Variants in PCDHGA12 observed in about 807,000 individuals in gnomAD.
PCDHGA12 encodes protocadherin gamma-A12.
A neutral mutation model predicts 61.1 loss-of-function variants in PCDHGA12; 43 were observed. That is an observed-to-expected ratio of 0.70 (90% CI 0.55 to 0.91). The LOEUF (loss-of-function observed/expected upper bound fraction) is 0.91. Ranked by LOEUF, PCDHGA12 falls within the 40% of genes least tolerant of loss-of-function variation. PCDHGA12 has a pLI of 0.00. For missense variants in PCDHGA12, 1,236 were observed against 1,227.7 expected (o/e 1.01, Z -0.10); for synonymous variants, 520 against 542.9 (o/e 0.96, Z 0.59).
At chr5:141,483,972 A>G in intron 1 of PCDHGA12, among the ~76,000 whole-genome samples, 1 of 83,960 alleles carries the variant, frequency 1.2e-5, no homozygotes, top group Admixed American at 1.8e-4. Context: ...TGCTTGTGCA[A>G]GGGAGTAGCT....
chr5:141,444,545 CA>C (rs1264288836), intron 1 of PCDHGA12, among the ~76,000 whole-genome samples: 7 of 152,042 alleles, frequency 4.6e-5, no homozygotes, highest in Admixed American at 6.6e-5. Flanking sequence ...GTCTAGTGAG[CA>C]AAAGGCACTT....
intron 3 of PCDHGA12, among the ~76,000 whole-genome samples, chr5:141,507,790 A>C (rs922507228): frequency 5.9e-5 from 9 of 152,188 alleles, no homozygotes; most frequent in Admixed American, 2.6e-4. Context: ...ACCCTCGTCT[A>C]AGCCTGCGCC....
chr5:141,439,443 G>A (rs867907022), intron 1 of PCDHGA12, among the ~76,000 whole-genome samples: 1 of 152,164 alleles, frequency 6.6e-6, no homozygotes, highest in Non-Finnish European at 1.5e-5. Flanking sequence ...ATATTTTATT[G>A]CGGGAGCAAG....
In PCDHGA12 at chr5:141,432,976, C is replaced by A. The variant is rs373558125; in HGVS notation, c.2217C>A (p.His739Gln). ...GGGLTGAPAS[H>Q]FVGVDGVQAF... The stretch of plus-strand genomic sequence containing the variant: ...GCTTGACAGGAGCGCCGGCGTCGCA[C>A]TTTGTGGGCGTGGACGGGGTGCAGG... Residue 739 changes from histidine to glutamine, a missense_variant, in exon 1 of 4, where the codon CAC becomes CAA. His to Gln is a conservative substitution (Grantham distance 24). Coordinates refer to ENST00000252085, the MANE Select transcript of PCDHGA12 (RefSeq NM_003735.3). This position sits in a 1 kb window ranked among gnomAD's most constrained non-coding sequence, Gnocchi z 6.0. 1 of 1,614,210 alleles carries A rather than the reference C, an allele frequency of 6.2e-7. No individual in the cohort carries two copies.
chr5:141,499,570 A>G (rs1027373056), intron 2 of PCDHGA12, among the ~76,000 whole-genome samples: 2 of 152,200 alleles, frequency 1.3e-5, no homozygotes, highest in African/African-American at 4.8e-5. Context: ...TCCAGCTTCA[A>G]CTAATGCCTT....
rs1363891858 is a variant in PCDHGA12, at chr5:141,491,369, C to T, written c.2425-3438C>T. 8.7e-6 allele frequency: 14 copies of T among 1,614,110 alleles called. No homozygotes were observed. Among genetic ancestry groups the T allele is most frequent in the East Asian group, 2.2e-5 (1 of 44,866 alleles). On this transcript the variant is annotated intron_variant, in intron 1 of 3. Coordinates refer to ENST00000252085, the MANE Select transcript of PCDHGA12 (RefSeq NM_003735.3). The surrounding 1 kb of genome is among the most constrained non-coding windows in gnomAD (Gnocchi z 6.9). ...AGTCTCTTATCCCTAGTCACCTTCACCTTTCTGTCAGCGAAGTGCCTTCAG... is the reference window on the plus strand; with the variant it reads ...AGTCTCTTATCCCTAGTCACCTTCATCTTTCTGTCAGCGAAGTGCCTTCAG...
chr5:141,491,726 C>T lies in PCDHGA12; in HGVS notation c.2425-3081C>T. On this transcript the variant is annotated intron_variant, in intron 1 of 3. Transcript: ENST00000252085. This position sits in a 1 kb window ranked among gnomAD's most constrained non-coding sequence, Gnocchi z 6.9. ...GTGAGGGGCTCGGCGCCGCCCCGGG[C>T]GACCCCTGGGGGCGGCACTGGAGAA... The T allele has an allele frequency of 6.2e-7, 1 of 1,605,884 alleles. No individual in the cohort carries two copies. Among genetic ancestry groups the T allele is most frequent in the East Asian group, 2.2e-5 (1 of 44,600 alleles).
chr5:141,462,872 AG>A (rs1254807813), intron 1 of PCDHGA12, among the ~76,000 whole-genome samples: 54 of 152,272 alleles, frequency 3.5e-4, no homozygotes, highest in Middle Eastern at 6.8e-3. Flanking sequence ...TCTTTCTTTA[AG>A]AACTATTGCA....
In PCDHGA12 at chr5:141,465,057, A is replaced by T. The variant is rs1253395484; in HGVS notation, c.2425-29750A>T. 3.3e-5 allele frequency among the ~76,000 whole-genome samples: 5 copies of T among 151,646 alleles called. No homozygotes were observed. The East Asian group carries it at 9.6e-4, about 29-fold the overall frequency. ...ACAAATGACCCTATATATTTTTTTG[A>T]ATTGTCTGTTCATGTCTTATTTTCA... On this transcript the variant is annotated intron_variant, in intron 1 of 3. Coordinates refer to ENST00000252085, the MANE Select transcript of PCDHGA12 (RefSeq NM_003735.3).
Position 141,489,087 on chromosome 5 carries a change from T to TCAAA in PCDHGA12, c.2425-5720_2425-5719insCAAA. 4.6e-6 allele frequency: 1 copy of TCAAA among 216,106 alleles called. No individual in the cohort carries two copies. The highest frequency in any genetic ancestry group is 8.4e-6 in the Non-Finnish European group (1 of 118,736). The allele number at this position is 216,106 out of a possible 1,614,324, so 13.4% of individuals were successfully genotyped here. On this transcript the variant is annotated intron_variant, in intron 1 of 3. Coordinates refer to ENST00000252085, the MANE Select transcript of PCDHGA12 (RefSeq NM_003735.3). This position sits in a 1 kb window ranked among gnomAD's most constrained non-coding sequence, Gnocchi z 4.5. The stretch of plus-strand genomic sequence containing the variant: ...CCCCCTGCCCACCCCCGCCACTCGG[T>TCAAA]GACTAAGAACTGCTGCAAGCAGGCA...
At chr5:141,498,089 A>G (rs1402239680) in intron 2 of PCDHGA12, among the ~76,000 whole-genome samples, 3 of 152,370 alleles carry the variant, frequency 2.0e-5, no homozygotes, top group South Asian at 2.1e-4. Context: ...GTAGAATTGT[A>G]TCTGGTGGTG....
rs1173375966 is a variant in PCDHGA12, at chr5:141,511,162, GAGA to G, written c.2794_2796del (p.Lys932del). 16 of 1,614,044 alleles carry G rather than the reference GAGA, an allele frequency of 9.9e-6. No individual in the cohort carries two copies. The highest frequency in any genetic ancestry group is 5.5e-5 in the South Asian group (5 of 91,078). On this transcript the variant is annotated inframe_deletion, in exon 4 of 4. Transcript: ENST00000252085. The stretch of plus-strand genomic sequence containing the variant: ...CAACAAGAAGAAGTCGGGCAAGAAG[GAGA>G]AGAAGTAACATGGAGGCCAGGCCAA...
intron 1 of PCDHGA12, among the ~76,000 whole-genome samples, chr5:141,464,630 T>C (rs981288560): frequency 1.3e-5 from 2 of 152,176 alleles, no homozygotes; most frequent in African/African-American, 4.8e-5. Context: ...AGCTTTTTAA[T>C]TGTTGCCAAC....
intron 2 of PCDHGA12, among the ~76,000 whole-genome samples, chr5:141,502,705 T>C (rs1475675789): frequency 6.6e-6 from 1 of 152,248 alleles, no homozygotes; most frequent in African/African-American, 2.4e-5. Context: ...TATCTGTTTT[T>C]ACATCAGTGA....
At chr5:141,447,725 C>G (rs1009407606) in intron 1 of PCDHGA12, among the ~76,000 whole-genome samples, 4 of 152,174 alleles carry the variant, frequency 2.6e-5, no homozygotes, top group African/African-American at 9.7e-5. Context: ...TTTTCCAAAA[C>G]TCATTGAACT....
At chr5:141,464,580 G>A (rs1459502164) in intron 1 of PCDHGA12, among the ~76,000 whole-genome samples, 1 of 152,118 alleles carries the variant, frequency 6.6e-6, no homozygotes, top group East Asian at 1.9e-4. Context: ...AGATGAGAAT[G>A]TCCATTGTCC....
chr5:141,478,109 T>C, intron 1 of PCDHGA12: 1 of 1,614,086 alleles, frequency 6.2e-7, no homozygotes, highest in Non-Finnish European at 8.5e-7. Context: ...CCTCACTGTG[T>C]CAGTAACCGA....
At chr5:141,441,494 ACCAGG>A (rs1325946941) in intron 1 of PCDHGA12, 1 of 170,360 alleles carries the variant, frequency 5.9e-6, no homozygotes, top group Non-Finnish European at 1.3e-5. Flanking sequence ...CTGGTTTTCT[ACCAGG>A]CCTCCTACGT....
At chr5:141,492,447 T>G (rs920078908) in intron 1 of PCDHGA12, among the ~76,000 whole-genome samples, 13 of 152,300 alleles carry the variant, frequency 8.5e-5, no homozygotes, top group Middle Eastern at 3.4e-3. Context: ...CGTAGCTGAT[T>G]GTGCGCGCCT....
Sources: gnomAD v4.1 joint callset for allele counts (sites outside exome capture counted in the v4.1 genomes callset) on GRCh38, gnomAD v4.1.1 for gene constraint, Gnocchi (gnomAD v3.1) non-coding constraint, MANE v1.5 for transcripts, NCBI Gene and HGNC (gene_info 2026-07-23, HGNC 2026-07-21) for gene names.